Variants in CLVS1 observed in about 807,000 individuals in gnomAD.
The protein encoded by CLVS1 is clavesin-1.
A neutral mutation model predicts 33.1 loss-of-function variants in CLVS1; 10 were observed. The ratio of observed to expected loss-of-function variants is 0.30; its 90% CI spans 0.19 to 0.51. The LOEUF is 0.51. Among genes scored for constraint, CLVS1 ranks in the 20% least tolerant of loss-of-function variants. The pLI, the probability that CLVS1 is intolerant of heterozygous loss-of-function variation, is 0.97. For missense variants in CLVS1, 343 were observed against 433.4 expected, an observed-to-expected ratio of 0.79 and a Z score of 1.85; for synonymous variants, 163 against 166.1, an observed-to-expected ratio of 0.98 and a Z score of 0.14.
intron 2 of CLVS1, chr8:61,273,851 C>G (rs1042159324): frequency 6.5e-6 from 1 of 154,752 alleles, no homozygotes; most frequent in Non-Finnish European, 1.4e-5. Flanking sequence ...TGCTTCGGGT[C>G]GCGCACGGTG....
At chr8:60,978,484 A>C in the CLVS1 span, among the ~76,000 whole-genome samples, 1 of 152,242 alleles carries the variant, frequency 6.6e-6, no homozygotes, top group African/African-American at 2.4e-5. Flanking sequence ...TAATAAGTTT[A>C]AGATGTTAAT....
the CLVS1 span, among the ~76,000 whole-genome samples, chr8:61,030,906 G>C: frequency 6.6e-6 from 1 of 152,158 alleles, no homozygotes; most frequent in Admixed American, 6.5e-5. Flanking sequence ...TTGTAAATTT[G>C]GATGAGTTAT....
At chr8:60,988,940 C>T in the CLVS1 span, among the ~76,000 whole-genome samples, 1 of 152,196 alleles carries the variant, frequency 6.6e-6, no homozygotes, top group Non-Finnish European at 1.5e-5. Context: ...TCAAAGTTCA[C>T]CACAGCCTTG....
intron 2 of CLVS1, among the ~76,000 whole-genome samples, chr8:61,265,709 T>C (rs1297169984): frequency 6.6e-6 from 1 of 152,162 alleles, no homozygotes; most frequent in East Asian, 1.9e-4. Flanking sequence ...CTTCCTAACT[T>C]GTTGCCTGCT....
intron 2 of CLVS1, among the ~76,000 whole-genome samples, chr8:61,217,952 G>A (rs1808125212): frequency 1.3e-5 from 2 of 152,060 alleles, no homozygotes; most frequent in Non-Finnish European, 2.9e-5. Flanking sequence ...CCACAGTAAA[G>A]TATCATTTCA....
intron 2 of CLVS1, among the ~76,000 whole-genome samples, chr8:61,329,920 G>A (rs1263342547): frequency 1.3e-5 from 2 of 152,086 alleles, no homozygotes; most frequent in Admixed American, 1.3e-4. Context: ...AGGGCCCCTT[G>A]TCCTTGCCAT....
intron 2 of CLVS1, among the ~76,000 whole-genome samples, chr8:61,163,285 C>T (rs376106318): frequency 1.1e-3 from 166 of 152,292 alleles, no homozygotes; most frequent in African/African-American, 3.8e-3. Flanking sequence ...CTCTTCCACA[C>T]CTTCTTTGGG....
chr8:61,382,921 C>G (rs73682282), intron 3 of CLVS1, among the ~76,000 whole-genome samples: 2,800 of 152,232 alleles, frequency 0.018, 88 homozygotes, highest in African/African-American at 0.063. Flanking sequence ...GTACCCTCCT[C>G]AGAGGTTTAT....
At chr8:61,421,426 T>A (rs1001225284) in intron 3 of CLVS1, among the ~76,000 whole-genome samples, 1 of 152,096 alleles carries the variant, frequency 6.6e-6, no homozygotes. Context: ...ATGTGTGGGG[T>A]GTTTCTCCAG....
intron 2 of CLVS1, among the ~76,000 whole-genome samples, chr8:61,280,567 A>G (rs921976379): frequency 1.3e-5 from 2 of 152,254 alleles, no homozygotes; most frequent in Non-Finnish European, 2.9e-5. Context: ...TGAAATTGAA[A>G]AGGAAAATAA....
intron 3 of CLVS1, among the ~76,000 whole-genome samples, chr8:61,427,560 T>C (rs1442378728): frequency 1.3e-5 from 2 of 152,146 alleles, no homozygotes; most frequent in Non-Finnish European, 2.9e-5. Flanking sequence ...TGCAATTAAA[T>C]TGAGAAATGG....
chr8:61,273,346 G>A (rs1046696007), intron 2 of CLVS1, among the ~76,000 whole-genome samples: 1,541 of 152,300 alleles, frequency 0.01, 10 homozygotes, highest in Non-Finnish European at 0.016. Flanking sequence ...CAGTCTGCCC[G>A]TTCTCAGATC....
At chr8:61,469,822 A>G (rs1199808993) in intron 5 of CLVS1, among the ~76,000 whole-genome samples, 1 of 152,196 alleles carries the variant, frequency 6.6e-6, no homozygotes, top group Non-Finnish European at 1.5e-5. Context: ...ACACTATATA[A>G]TGCATCATTT....
intron 3 of CLVS1, among the ~76,000 whole-genome samples, chr8:61,382,750 C>T (rs1346886191): frequency 1.3e-5 from 2 of 152,186 alleles, no homozygotes; most frequent in Admixed American, 1.3e-4. Context: ...TTCACACACA[C>T]TTCCAGGAGA....
chr8:61,415,261 G>A (rs1198434044), intron 3 of CLVS1, among the ~76,000 whole-genome samples: 6 of 152,202 alleles, frequency 3.9e-5, no homozygotes, highest in Middle Eastern at 3.2e-3. Flanking sequence ...AGGAGCAAAG[G>A]GGGCAGCCTC....
At chr8:61,156,114 T>C (rs1028858063) in intron 2 of CLVS1, among the ~76,000 whole-genome samples, 2 of 149,284 alleles carry the variant, frequency 1.3e-5, no homozygotes, top group African/African-American at 5.0e-5. Flanking sequence ...CTCAGTAGGC[T>C]GAGGCAGGAG....
At chr8:61,207,296 C>T (rs1807870998) in intron 2 of CLVS1, among the ~76,000 whole-genome samples, 1 of 151,954 alleles carries the variant, frequency 6.6e-6, no homozygotes, top group Non-Finnish European at 1.5e-5. Flanking sequence ...GATGCACGGG[C>T]TCCAGTGATG....
At chr8:61,383,766 T>C (rs900146194) in intron 3 of CLVS1, among the ~76,000 whole-genome samples, 3 of 152,212 alleles carry the variant, frequency 2.0e-5, no homozygotes, top group Admixed American at 2.0e-4. Context: ...AGTTTATCTT[T>C]GGTGTACTTT....
At chr8:61,358,422 T>C (rs937470672) in intron 2 of CLVS1, among the ~76,000 whole-genome samples, 2 of 152,226 alleles carry the variant, frequency 1.3e-5, no homozygotes, top group African/African-American at 4.8e-5. Flanking sequence ...TTCCAAAGTC[T>C]ATCTGCTCAG....
Sources: gnomAD v4.1 joint callset for allele counts (sites outside exome capture counted in the v4.1 genomes callset) on GRCh38, gnomAD v4.1.1 for gene constraint, MANE v1.5 for transcripts, NCBI Gene and HGNC (gene_info 2026-07-23, HGNC 2026-07-21) for gene names.